Variants in ZNG1B observed in about 807,000 individuals in gnomAD.
ZNG1B encodes zinc-regulated GTPase metalloprotein activator 1B.
chr2:113,484,690 G>A, the ZNG1B span, among the ~76,000 whole-genome samples: 8 of 151,288 alleles, frequency 5.3e-5, no homozygotes, highest in South Asian at 6.3e-4. Context: ...GTCTCGCTCC[G>A]GCTGGAGTCT....
At chr2:113,456,443 TAA>T in the ZNG1B span, among the ~76,000 whole-genome samples, 1 of 136,492 alleles carries the variant, frequency 7.3e-6, no homozygotes, top group Non-Finnish European at 1.6e-5. Context: ...AGATAACTGC[TAA>T]GACATTTTGT....
chr2:113,462,251 C>T, the ZNG1B span, among the ~76,000 whole-genome samples: 2 of 152,210 alleles, frequency 1.3e-5, no homozygotes, highest in Non-Finnish European at 2.9e-5. Context: ...AACTGAGTCA[C>T]TCCTATAGAG....
At chr2:113,444,928 G>A in the ZNG1B span, 4 of 1,606,356 alleles carry the variant, frequency 2.5e-6, no homozygotes, top group Non-Finnish European at 2.6e-6. Flanking sequence ...AAATATTTAG[G>A]TAATTAACTG....
At chr2:113,439,396 CAT>C in the ZNG1B span, among the ~76,000 whole-genome samples, 1 of 151,978 alleles carries the variant, frequency 6.6e-6, no homozygotes, top group African/African-American at 2.4e-5. Flanking sequence ...TAAAACTTAA[CAT>C]GTCTGAAACT....
At chr2:113,472,684 G>C in the ZNG1B span, among the ~76,000 whole-genome samples, 2 of 151,200 alleles carry the variant, frequency 1.3e-5, no homozygotes, top group African/African-American at 4.9e-5. Context: ...GAAGGGATCC[G>C]GTTTCAGCTT....
the ZNG1B span, among the ~76,000 whole-genome samples, chr2:113,442,868 AAC>A: frequency 6.6e-6 from 1 of 152,182 alleles, no homozygotes; most frequent in African/African-American, 2.4e-5. Context: ...GGAAAAGTAA[AAC>A]ATTTAAAATA....
chr2:113,455,468 A>T, the ZNG1B span: 1 of 506,498 alleles, frequency 2.0e-6, no homozygotes, highest in South Asian at 1.5e-5. Flanking sequence ...AATGCATTTA[A>T]ATGAGGTTTA....
chr2:113,465,385 C>T, the ZNG1B span, among the ~76,000 whole-genome samples: 20 of 152,068 alleles, frequency 1.3e-4, no homozygotes, highest in Non-Finnish European at 2.9e-4. Flanking sequence ...ACTAAGATTA[C>T]AAAGCCATGA....
the ZNG1B span, among the ~76,000 whole-genome samples, chr2:113,475,746 T>C: frequency 3.3e-5 from 5 of 152,106 alleles, no homozygotes; most frequent in East Asian, 3.9e-4. Context: ...CCTTCACTTA[T>C]GAAGCTTAGT....
the ZNG1B span, among the ~76,000 whole-genome samples, chr2:113,457,760 G>A: frequency 1.5e-5 from 2 of 132,936 alleles, 1 homozygote; most frequent in Admixed American, 1.6e-4. Context: ...ATTTTTTTGA[G>A]GGGGGTGGTA....
At chr2:113,450,654 A>G in the ZNG1B span, among the ~76,000 whole-genome samples, 4 of 138,546 alleles carry the variant, frequency 2.9e-5, no homozygotes, top group African/African-American at 8.4e-5. Flanking sequence ...TGCCCTATTC[A>G]TTTCTTCATT....
chr2:113,469,250 T>A, the ZNG1B span: 2 of 152,084 alleles, frequency 1.3e-5, no homozygotes, highest in Non-Finnish European at 2.9e-5. Flanking sequence ...TTCAAGCGAT[T>A]CTCCTGCTTC....
chr2:113,476,772 C>A, the ZNG1B span, among the ~76,000 whole-genome samples: 2 of 152,064 alleles, frequency 1.3e-5, no homozygotes, highest in African/African-American at 4.8e-5. Context: ...TTGGAGTACC[C>A]GGCCGTGTGA....
chr2:113,490,381 C>G, the ZNG1B span, among the ~76,000 whole-genome samples: 1 of 150,450 alleles, frequency 6.6e-6, no homozygotes. Context: ...GTTCATGGCC[C>G]TCAATGCCTC....
the ZNG1B span, among the ~76,000 whole-genome samples, chr2:113,439,841 C>A: frequency 6.7e-6 from 1 of 149,392 alleles, no homozygotes; most frequent in Non-Finnish European, 1.5e-5. Flanking sequence ...CCTCCTTATT[C>A]ACTGAATTCC....
the ZNG1B span, among the ~76,000 whole-genome samples, chr2:113,477,692 C>T: frequency 6.6e-6 from 1 of 152,198 alleles, no homozygotes; most frequent in Middle Eastern, 3.4e-3. Flanking sequence ...ATGAGATCTA[C>T]CCTCTTAACA....
chr2:113,470,303 T>G, the ZNG1B span: 2 of 152,318 alleles, frequency 1.3e-5, no homozygotes, highest in Non-Finnish European at 2.9e-5. Context: ...CTGTCCTCTG[T>G]GGTTTTCTGG....
chr2:113,480,574 C>T, the ZNG1B span, among the ~76,000 whole-genome samples: 23,993 of 113,848 alleles, frequency 0.21, 2,975 homozygotes, highest in East Asian at 0.51. Flanking sequence ...CATGTTGTAT[C>T]CTTTAGTGCT....
the ZNG1B span, among the ~76,000 whole-genome samples, chr2:113,453,362 C>T: frequency 6.6e-6 from 1 of 151,932 alleles, no homozygotes; most frequent in Non-Finnish European, 1.5e-5. Flanking sequence ...AAGTGATTCT[C>T]GTGCCTCAGC....
Sources: gnomAD v4.1 joint callset for allele counts (sites outside exome capture counted in the v4.1 genomes callset) on GRCh38, gnomAD v4.1.1 for gene constraint, MANE v1.5 for transcripts, NCBI Gene and HGNC (gene_info 2026-07-23, HGNC 2026-07-21) for gene names.